Variants in AGBL1 observed in about 807,000 individuals in gnomAD.
AGBL1 encodes the protein cytosolic carboxypeptidase 4.
In AGBL1, 130 loss-of-function variants were observed where a neutral mutation model predicts 118.9. That is an observed-to-expected ratio of 1.09 (90% CI 0.95 to 1.26). AGBL1 has a LOEUF of 1.26. Among genes scored for constraint, AGBL1 ranks in the 50% most tolerant of loss-of-function variants. AGBL1 has a pLI of 0.00. For missense variants in AGBL1, 1,584 were observed against 1,298.1 expected (o/e 1.22, Z -3.38); for synonymous variants, 555 against 478.9 (o/e 1.16, Z -2.08).
At position 86,532,805 on chromosome 15, in the gene AGBL1, C is replaced by T. The variant is rs1255301559; in HGVS notation, c.2685+9866C>T. Among the ~76,000 whole-genome samples, 218 of 101,536 alleles carry T rather than the reference C, an allele frequency of 2.1e-3. 1 individual carries two copies. Among genetic ancestry groups the T allele is most frequent in the Middle Eastern group, 4.2e-3 (1 of 238 alleles). 66.6% of individuals were successfully genotyped at this position (101,536 alleles called of 152,430 possible). On this transcript the variant is annotated intron_variant, in intron 19 of 22. Coordinates refer to ENST00000614907, the MANE Select transcript of AGBL1 (RefSeq NM_001386094.1). ...AGAACAGAGCCCTCAGAAATAACGC[C>T]GCTTACCTACAACTATCTGATCTTT...
chr15:86,374,240 A>G (rs966549968), intron 17 of AGBL1, among the ~76,000 whole-genome samples: 2 of 152,218 alleles, frequency 1.3e-5, no homozygotes, highest in African/African-American at 4.8e-5. Context: ...TGATACTTGG[A>G]GCCAAATAAG....
chr15:86,599,635 A>G (rs1051544238), intron 21 of AGBL1, among the ~76,000 whole-genome samples: 1 of 152,106 alleles, frequency 6.6e-6, no homozygotes, highest in Non-Finnish European at 1.5e-5. Flanking sequence ...AAGCGGTGAT[A>G]ATATCATGTT....
At chr15:86,598,278 A>G (rs1414984564) in intron 21 of AGBL1, among the ~76,000 whole-genome samples, 5 of 152,138 alleles carry the variant, frequency 3.3e-5, no homozygotes, top group Non-Finnish European at 5.9e-5. Flanking sequence ...GTAGAGTGCA[A>G]TGGACCATAG....
intron 17 of AGBL1, among the ~76,000 whole-genome samples, chr15:86,328,549 G>A (rs1446522102): frequency 1.3e-5 from 2 of 152,148 alleles, no homozygotes; most frequent in Non-Finnish European, 2.9e-5. Flanking sequence ...AACTCTGTGA[G>A]CCTTAACTCA....
At chr15:86,865,394 C>A (rs1047784817) in intron 22 of AGBL1, among the ~76,000 whole-genome samples, 2 of 152,150 alleles carry the variant, frequency 1.3e-5, no homozygotes, top group African/African-American at 4.8e-5. Context: ...GAAACTGTGA[C>A]AACATTTTGG....
rs144041804 is a variant in AGBL1 at position 86,570,728 on chromosome 15, G to T, written c.2994+16191G>T. Among the ~76,000 whole-genome samples the T allele has an allele frequency of 3.3e-5, 5 of 152,242 alleles. No individual in the cohort carries two copies. The East Asian group carries it at 9.7e-4, about 30-fold the overall frequency. On this transcript the variant is annotated intron_variant, in intron 21 of 22. Transcript: ENST00000614907. ...AGCCCCAGCTTGTGCAGCTATTTCA[G>T]GTTTCCTTTTGCTATTCATGTTTTT...
chr15:86,129,492 T>C (rs959400832), intron 1 of AGBL1, among the ~76,000 whole-genome samples: 24 of 152,232 alleles, frequency 1.6e-4, no homozygotes, highest in Admixed American at 1.4e-3. Context: ...TTTATTTCAT[T>C]ATCCCCATTA....
intron 7 of AGBL1, among the ~76,000 whole-genome samples, chr15:86,251,664 G>A (rs76044211): frequency 0.018 from 2,698 of 152,076 alleles, 81 homozygotes; most frequent in African/African-American, 0.059. Context: ...TGTTTCCTGA[G>A]TCTCACGTTT....
At chr15:86,436,409 G>C (rs2082001108) in intron 18 of AGBL1, among the ~76,000 whole-genome samples, 1 of 152,124 alleles carries the variant, frequency 6.6e-6, no homozygotes, top group Non-Finnish European at 1.5e-5. Context: ...TAGACATAAA[G>C]ATGGGATAAG....
chr15:86,940,197 C>T (rs1376381656), intron 23 of AGBL1, among the ~76,000 whole-genome samples: 2 of 151,090 alleles, frequency 1.3e-5, no homozygotes, highest in African/African-American at 4.9e-5. Flanking sequence ...AGCCTGTGCC[C>T]GGTTGAGTGC....
chr15:87,006,407 G>A (rs1019412738), intron 24 of AGBL1, among the ~76,000 whole-genome samples: 1 of 152,094 alleles, frequency 6.6e-6, no homozygotes, highest in African/African-American at 2.4e-5. Context: ...GCCCCTCCCC[G>A]AGCCTCGCTG....
intron 1 of AGBL1, among the ~76,000 whole-genome samples, chr15:86,116,197 C>A (rs34347645): frequency 0.22 from 33,570 of 152,032 alleles, 3,924 homozygotes; most frequent in East Asian, 0.29. Context: ...ATTTCAGCTA[C>A]AGCAAAACAC....
chr15:86,327,642 A>T (rs193063362), intron 17 of AGBL1, among the ~76,000 whole-genome samples: 312 of 152,348 alleles, frequency 2.0e-3, no homozygotes, highest in Middle Eastern at 0.014. Flanking sequence ...CTTTTTCTAT[A>T]CACGAACCAT....
chr15:86,468,803 A>G (rs1275053551), intron 18 of AGBL1, among the ~76,000 whole-genome samples: 1 of 152,244 alleles, frequency 6.6e-6, no homozygotes, highest in African/African-American at 2.4e-5. Context: ...TAGACATGAG[A>G]GGGGATGTAA....
chr15:86,162,383 A>C (rs1318975285), intron 5 of AGBL1, among the ~76,000 whole-genome samples: 3 of 152,118 alleles, frequency 2.0e-5, no homozygotes, highest in Non-Finnish European at 4.4e-5. Flanking sequence ...AGGAACCTAA[A>C]ATTAGATGTG....
chr15:86,532,166 A>G (rs1259050805), intron 19 of AGBL1, among the ~76,000 whole-genome samples: 2 of 149,916 alleles, frequency 1.3e-5, no homozygotes, highest in Admixed American at 6.6e-5. Context: ...GAGGAAGTCA[A>G]ATTGTCCCTG....
chr15:86,556,365 A>G, intron 21 of AGBL1: 1 of 1,291,436 alleles, frequency 7.7e-7, no homozygotes, highest in Admixed American at 1.8e-5. Flanking sequence ...TGGAGGGAGA[A>G]CTGGCTAGAG....
intron 22 of AGBL1, among the ~76,000 whole-genome samples, chr15:86,765,598 C>G (rs750376477): frequency 6.6e-6 from 1 of 151,894 alleles, no homozygotes; most frequent in Non-Finnish European, 1.5e-5. Flanking sequence ...TTCCCTGGAG[C>G]TTTAAGGGGG....
At chr15:86,710,687 G>C (rs894953116) in intron 22 of AGBL1, among the ~76,000 whole-genome samples, 3 of 152,174 alleles carry the variant, frequency 2.0e-5, no homozygotes, top group Admixed American at 2.0e-4. Context: ...CATATGGATA[G>C]GTTTCAGATA....
Sources: gnomAD v4.1 joint callset for allele counts (sites outside exome capture counted in the v4.1 genomes callset) on GRCh38, gnomAD v4.1.1 for gene constraint, MANE v1.5 for transcripts, NCBI Gene and HGNC (gene_info 2026-07-23, HGNC 2026-07-21) for gene names.